TRIM66: variants seen among roughly 807,000 people sequenced by gnomAD.
TRIM66 encodes tripartite motif-containing protein 66.
In TRIM66, 99 loss-of-function variants were observed where a neutral mutation model predicts 148.2. The observed-to-expected ratio is 0.67, with a 90% CI of 0.57 to 0.79. The LOEUF is 0.79. Ranked by LOEUF, TRIM66 falls within the 30% of genes least tolerant of loss-of-function variation. The pLI is 0.00. For missense variants in TRIM66, 1,666 were observed against 1,697.9 expected, an observed-to-expected ratio of 0.98 and a Z score of 0.33; for synonymous variants, 616 against 635.9, an observed-to-expected ratio of 0.97 and a Z score of 0.47.
rs199996769 is a variant in TRIM66, at chr11:8,640,954, G to A, written c.1421C>T (p.Ser474Leu). 4,008 of 1,551,238 alleles carry A rather than the reference G, an allele frequency of 2.6e-3. 9 individuals carry two copies. Among genetic ancestry groups the A allele is most frequent in the Non-Finnish European group, 3.2e-3 (3,681 of 1,146,972 alleles). ...GGGGACCTGGCCTTTGAGGGAAGGC[G>A]AGACTGGGGAGCAGTGGGAGCAGCA... ...SVCCSHCSPV[S>L]PSLKGQVPPP... Residue 474 changes from serine to leucine, a missense_variant, in exon 14 of 25, where the codon TCG becomes TTG. Physicochemically the swap from Ser to Leu is moderately radical, Grantham distance 145. Transcript: ENST00000646038.
intron 15 of TRIM66, 33 bp downstream of exon 15, chr11:8,638,621 C>T (rs759153368): frequency 6.5e-7 from 1 of 1,542,008 alleles, no homozygotes; most frequent in African/African-American, 1.4e-5. Flanking sequence ...CAGTGGGTCC[C>T]ATGTAGTTAG....
intron 1 of TRIM66, among the ~76,000 whole-genome samples, chr11:8,681,120 G>A (rs1298841184): frequency 1.3e-5 from 2 of 150,560 alleles, no homozygotes; most frequent in Non-Finnish European, 2.9e-5. Context: ...GCAAGGACAT[G>A]GGAGAATTTT....
upstream of TRIM66, chr11:8,682,910 C>G: frequency 6.9e-7 from 1 of 1,453,406 alleles, no homozygotes; most frequent in Non-Finnish European, 9.3e-7. Context: ...CTACCATGGT[C>G]GGGGCTTCCA....
chr11:8,649,878 C>T lies in TRIM66; in HGVS notation c.454G>A (p.Glu152Lys). The T allele has an allele frequency of 1.3e-6, 2 of 1,551,164 alleles. No homozygotes were observed. The highest frequency in any genetic ancestry group is 2.4e-5 in the East Asian group (1 of 40,896). ...EQPKMARNCS[E>K]CKEKRAAHIL... ...TGTGCTGCCCTCTTCTCCTTGCACT[C>T]AGAGCAGTTCTGGAAGCAGAGAGTT... The change falls in exon 8 of 25, where the codon GAG becomes AAG. Residue 152 changes from glutamate (E) to lysine (K), a missense_variant. Coordinates refer to ENST00000646038, the MANE Select transcript of TRIM66 (RefSeq NM_001388022.1).
At chr11:8,660,757 C>A (rs958197954) in intron 6 of TRIM66, among the ~76,000 whole-genome samples, 1 of 152,200 alleles carries the variant, frequency 6.6e-6, no homozygotes, top group Non-Finnish European at 1.5e-5. Flanking sequence ...TTTGTGAACT[C>A]TAATTCTGAT....
At chr11:8,648,900 GA>G (rs1416013470) in intron 8 of TRIM66, among the ~76,000 whole-genome samples, 2 of 152,186 alleles carry the variant, frequency 1.3e-5, no homozygotes, top group African/African-American at 4.8e-5. Context: ...GTTTTTAATG[GA>G]GCTGAAACCA....
At position 8,620,069 on chromosome 11, in the gene TRIM66, T is replaced by C. The variant is rs2034059727; in HGVS notation, c.3728A>G (p.His1243Arg). 5 of 1,551,738 alleles carry C rather than the reference T, an allele frequency of 3.2e-6. No homozygotes were observed. Among genetic ancestry groups the C allele is most frequent in the Middle Eastern group, 1.7e-4 (1 of 5,990 alleles). ...CCTTACCAGGGGGCTGACAGGTTCA[T>C]GGAAGGGCAGGCTGAGGTTATTGCA... Reference protein sequence around the residue: ...LCCNNLSLPFHEPVSPLARHY... With the variant: ...LCCNNLSLPFREPVSPLARHY... Residue 1243 changes from histidine to arginine, a missense_variant, in exon 22 of 25, where the codon CAT (histidine) becomes CGT (arginine). By Grantham distance (29) the His-to-Arg change is conservative. This residue lies in a region of TRIM66 where 204 missense variants were observed against 231.0 expected (regional missense o/e 0.88). Coordinates refer to ENST00000646038, the MANE Select transcript of TRIM66 (RefSeq NM_001388022.1).
At chr11:8,672,163 G>C in intron 5 of TRIM66, 65 bp from the exon 6 acceptor site, 1 of 1,531,638 alleles carries the variant, frequency 6.5e-7, no homozygotes, top group Non-Finnish European at 8.7e-7. Context: ...TTAGGCCAGA[G>C]GGGCCTTCGA....
At chr11:8,623,986 G>A (rs1342510282) in intron 17 of TRIM66, among the ~76,000 whole-genome samples, 1 of 152,308 alleles carries the variant, frequency 6.6e-6, no homozygotes, top group Non-Finnish European at 1.5e-5. Flanking sequence ...AGAGAGAACT[G>A]GTTTACCAAA....
chr11:8,629,033 C>T (rs1468025709), intron 15 of TRIM66, among the ~76,000 whole-genome samples: 1 of 152,102 alleles, frequency 6.6e-6, no homozygotes, highest in Non-Finnish European at 1.5e-5. Flanking sequence ...AGTCTGAGTG[C>T]CAAGACAAGA....
At chr11:8,622,365 C>CATATATATATATATATATATAT (rs1217954064) in intron 18 of TRIM66, among the ~76,000 whole-genome samples, 14 of 59,466 alleles carry the variant, frequency 2.4e-4, no homozygotes, top group Admixed American at 3.1e-4. Context: ...CACACACACA[C>CATATATATATATATATATATAT]ATATATATAT....
intron 15 of TRIM66, among the ~76,000 whole-genome samples, chr11:8,629,166 A>C (rs900852152): frequency 6.6e-6 from 1 of 152,326 alleles, no homozygotes; most frequent in African/African-American, 2.4e-5. Context: ...CCAGGCCTGC[A>C]TTCCTTAATG....
chr11:8,652,074 C>T (rs2037406068), intron 6 of TRIM66, among the ~76,000 whole-genome samples, 171 bp from the exon 7 acceptor site: 1 of 152,188 alleles, frequency 6.6e-6, no homozygotes, highest in Non-Finnish European at 1.5e-5. Context: ...GTACCCTGAA[C>T]ATGACCATCC....
intron 6 of TRIM66, among the ~76,000 whole-genome samples, chr11:8,669,654 A>C (rs1373180124): frequency 6.6e-6 from 1 of 152,014 alleles, no homozygotes; most frequent in Non-Finnish European, 1.5e-5. Flanking sequence ...AAAAAAAAAA[A>C]AAAAACTCCT....
intron 6 of TRIM66, among the ~76,000 whole-genome samples, chr11:8,666,822 T>G (rs989975945): frequency 1.3e-5 from 2 of 152,192 alleles, no homozygotes; most frequent in African/African-American, 4.8e-5. Flanking sequence ...GTCATACATA[T>G]AGACAGAGAT....
intron 1 of TRIM66, chr11:8,680,969 G>A (rs1211457973): frequency 6.6e-6 from 1 of 152,202 alleles, no homozygotes; most frequent in East Asian, 1.9e-4. Context: ...GTCCAATTTG[G>A]CAATTCGTTC....
At position 8,675,113 on chromosome 11, in the gene TRIM66, A is replaced by G. The variant is rs550871000; in HGVS notation, c.-189-230T>C. ...ACCAAGCATTGGTCATTTGGAAAAT[A>G]CCAGTTCAATGACTTATGCAGATGT... On this transcript the variant is annotated intron_variant, in intron 3 of 24. Coordinates refer to ENST00000646038, the MANE Select transcript of TRIM66 (RefSeq NM_001388022.1). Among the ~76,000 whole-genome samples the G allele has an allele frequency of 2.6e-5, 4 of 152,362 alleles. No individual in the cohort carries two copies. In the South Asian group the frequency reaches 8.3e-4, roughly 32 times the overall value.
At chr11:8,675,944 G>C (rs1223872444) in intron 3 of TRIM66, among the ~76,000 whole-genome samples, 1 of 152,058 alleles carries the variant, frequency 6.6e-6, no homozygotes, top group Non-Finnish European at 1.5e-5. Flanking sequence ...TCACCATGTT[G>C]GCCAGGATGG....
chr11:8,644,490 C>CAG (rs2036676756), intron 12 of TRIM66: 1 of 445,286 alleles, frequency 2.2e-6, no homozygotes, highest in African/African-American at 2.0e-5. Flanking sequence ...TGTATCCCTT[C>CAG]TACCCTCAAA....
Sources: gnomAD v4.1 joint callset for allele counts (sites outside exome capture counted in the v4.1 genomes callset) on GRCh38, gnomAD v4.1.1 for gene constraint, gnomAD v4.1.1 regional missense constraint, MANE v1.5 for transcripts, NCBI Gene and HGNC (gene_info 2026-07-23, HGNC 2026-07-21) for gene names.